Variants in HOXC5 observed in about 807,000 individuals in gnomAD.
HOXC5 encodes the protein homeobox C5, also known as homeobox protein Hox-C5.
Under a neutral mutation model 20.1 loss-of-function variants are expected in HOXC5, and 19 were observed. The ratio of observed to expected loss-of-function variants is 0.94; its 90% CI spans 0.66 to 1.38. The LOEUF is 1.38. HOXC5 is among the 40% of genes most tolerant of loss of function. HOXC5 has a pLI of 0.00. For missense variants in HOXC5, 330 were observed against 300.1 expected (o/e 1.10, Z -0.74); for synonymous variants, 124 against 117.0 (o/e 1.06, Z -0.39).
upstream of HOXC5, among the ~76,000 whole-genome samples, chr12:54,031,999 A>G (rs888798585): frequency 1.3e-5 from 2 of 152,186 alleles, no homozygotes; most frequent in African/African-American, 2.4e-5. Context: ...TTCCTCTGCC[A>G]TGCTCACGTA....
upstream of HOXC5, among the ~76,000 whole-genome samples, chr12:54,032,601 G>T (rs2136445165): frequency 6.6e-6 from 1 of 152,290 alleles, no homozygotes; most frequent in South Asian, 2.1e-4. Flanking sequence ...TATAAGTGGG[G>T]CCTCGTCTTT....
upstream of HOXC5, chr12:54,028,776 A>G: frequency 6.2e-7 from 1 of 1,614,176 alleles, no homozygotes; most frequent in Non-Finnish European, 8.5e-7. Context: ...ACATGCTCTC[A>G]AACTGCAGAC....
Position 54,034,720 on chromosome 12 carries a change from C to T in HOXC5, c.*228C>T, listed in dbSNP as rs58994757. The stretch of plus-strand genomic sequence containing the variant: ...CATCTCCCCTCAGCTCGGCTCAGCT[C>T]GGTACCCGGGGCCCAGGGCAAGCTC... On this transcript the variant is annotated 3_prime_UTR_variant, in exon 2 of 2. Transcript: ENST00000312492. The T allele has an allele frequency of 0.015, 7,837 of 538,432 alleles. 484 individuals are homozygous for T. The highest frequency in any genetic ancestry group is 0.13 in the African/African-American group (6,997 of 52,650). 33.4% of individuals were successfully genotyped at this position (538,432 alleles called of 1,614,324 possible). A position where few individuals can be genotyped will look rare whatever the true frequency, so the allele number is the denominator to read the frequency against.
chr12:54,022,839 T>C, the HOXC5 span, among the ~76,000 whole-genome samples: 1 of 152,136 alleles, frequency 6.6e-6, no homozygotes. Flanking sequence ...CATGAACCTC[T>C]CAAATGGGTC....
chr12:54,031,807 A>T (rs1375745374), upstream of HOXC5, among the ~76,000 whole-genome samples: 8 of 152,098 alleles, frequency 5.3e-5, no homozygotes, highest in Non-Finnish European at 8.8e-5. Context: ...GGGGAAGAGG[A>T]TGGGGCCGAA....
chr12:54,022,369 A>T, the HOXC5 span: 12 of 152,200 alleles, frequency 7.9e-5, no homozygotes, highest in African/African-American at 2.7e-4. Context: ...TTTGCTAAAG[A>T]TCCTATATGT....
the HOXC5 span, chr12:54,021,221 C>T: frequency 6.6e-6 from 1 of 152,298 alleles, no homozygotes; most frequent in Admixed American, 6.5e-5. Context: ...CCGCCCCAGC[C>T]CGATTTGCCT....
chr12:54,028,429 G>A, upstream of HOXC5: 2 of 1,381,602 alleles, frequency 1.4e-6, no homozygotes, highest in Admixed American at 2.1e-5. Flanking sequence ...TCCTGGATTG[G>A]AGCCGTCCCT....
At chr12:54,033,991 G>C (rs771817501) in intron 1 of HOXC5, 1 of 627,338 alleles carries the variant, frequency 1.6e-6, no homozygotes, top group South Asian at 1.5e-5. Flanking sequence ...CTCGGATCTC[G>C]AGGGTGCTTA....
At chr12:54,024,885 A>G in the HOXC5 span, among the ~76,000 whole-genome samples, 1 of 152,238 alleles carries the variant, frequency 6.6e-6, no homozygotes, top group Non-Finnish European at 1.5e-5. Flanking sequence ...AGCGCTATCA[A>G]AAGCATGTGT....
chr12:54,034,194 G>A, intron 1 of HOXC5, 84 bp from the exon 2 acceptor site: 1 of 1,307,162 alleles, frequency 7.7e-7, no homozygotes, highest in Non-Finnish European at 1.1e-6. Context: ...CCGGCCGCGG[G>A]TGGGGGCCTG....
chr12:54,028,570 G>T, upstream of HOXC5: 1 of 1,614,066 alleles, frequency 6.2e-7, no homozygotes, highest in Non-Finnish European at 8.5e-7. Flanking sequence ...CCTCGCCGGG[G>T]GCCAGGACGT....
chr12:54,025,517 G>T, the HOXC5 span, among the ~76,000 whole-genome samples: 2 of 95,012 alleles, frequency 2.1e-5, no homozygotes, highest in South Asian at 5.3e-4. Context: ...CCTCAGGAAT[G>T]AAAGGTAATT....
At chr12:54,018,312 G>T in the HOXC5 span, among the ~76,000 whole-genome samples, 4 of 151,396 alleles carry the variant, frequency 2.6e-5, no homozygotes, top group African/African-American at 9.7e-5. Context: ...CGCTCGCCAC[G>T]CATGGCTGCT....
the HOXC5 span, chr12:54,020,676 T>G: frequency 2.0e-5 from 3 of 152,208 alleles, no homozygotes; most frequent in Non-Finnish European, 4.4e-5. Flanking sequence ...ATGCAAAATT[T>G]TGTTAGTCCT....
In HOXC5 at chr12:54,034,388, G is replaced by C; in HGVS notation, c.565G>C (p.Ala189Pro). The C allele has an allele frequency of 6.2e-7, 1 of 1,614,206 alleles. No homozygotes were observed. The highest frequency in any genetic ancestry group is 1.1e-5 in the South Asian group (1 of 91,090). Residue 189 changes from alanine (A) to proline (P), a missense_variant, in exon 2 of 2, where the codon GCC (alanine) becomes CCC (proline). Physicochemically the swap from Ala to Pro is conservative, Grantham distance 27 (BLOSUM62 -1). Transcript: ENST00000312492. The part of the protein sequence containing the change: ...YLTRRRRIEI[A>P]NNLCLNERQI... ...CACTCGCCGCAGGCGCATAGAGATCGCCAACAACTTGTGTCTCAATGAGAG... is the reference window on the plus strand; with the variant it reads ...CACTCGCCGCAGGCGCATAGAGATCCCCAACAACTTGTGTCTCAATGAGAG...
chr12:54,029,919 A>C, upstream of HOXC5: 2 of 1,605,380 alleles, frequency 1.2e-6, no homozygotes, highest in Non-Finnish European at 1.7e-6. Context: ...GGCGGAAAAG[A>C]GGAAAAGCGG....
upstream of HOXC5, chr12:54,030,139 A>T: frequency 1.7e-6 from 1 of 601,490 alleles, no homozygotes; most frequent in Non-Finnish European, 2.8e-6. Context: ...CCCTCACCGC[A>T]CAACTCTCTT....
In HOXC5 at chr12:54,034,405, C is replaced by T. The variant is rs1433235063; in HGVS notation, c.582C>T (p.Leu194=). Residue 194 remains leucine, a synonymous_variant, in exon 2 of 2, where the codon CTC becomes CTT. Transcript: ENST00000312492. ...RRIEIANNLC[L]NERQIKIWFQ... ...TAGAGATCGCCAACAACTTGTGTCTCAATGAGAGACAGATCAAGATCTGGT... is the reference window on the plus strand; with the variant it reads ...TAGAGATCGCCAACAACTTGTGTCTTAATGAGAGACAGATCAAGATCTGGT... 1 of 1,614,120 alleles carries T rather than the reference C, an allele frequency of 6.2e-7. No homozygotes were observed. Among genetic ancestry groups the T allele is most frequent in the East Asian group, 2.2e-5 (1 of 44,904 alleles).
Sources: allele counts gnomAD v4.1 joint callset (sites outside exome capture counted in the v4.1 genomes callset), GRCh38; gene constraint gnomAD v4.1.1; transcripts MANE v1.5; gene names NCBI Gene and HGNC (gene_info 2026-07-23, HGNC 2026-07-21).